Variants in B3GLCT observed in about 807,000 individuals in gnomAD.
B3GLCT encodes the protein beta 3-glucosyltransferase.
In B3GLCT, 65 loss-of-function variants were observed where a neutral mutation model predicts 63.4. The observed-to-expected ratio is 1.03, with a 90% CI of 0.84 to 1.26. The LOEUF is 1.26. Among genes scored for constraint, B3GLCT ranks in the 50% most tolerant of loss-of-function variants. The pLI is 0.00. For synonymous variants in B3GLCT, 233 were observed against 219.2 expected (o/e 1.06, Z -0.55); for missense variants, 577 against 604.8 (o/e 0.95, Z 0.48).
rs780907884 is a variant in B3GLCT, at chr13:31,323,801, G to A, written c.1235G>A (p.Arg412Gln). 2 of 1,614,024 alleles carry A rather than the reference G, an allele frequency of 1.2e-6. No individual in the cohort carries two copies. Among genetic ancestry groups the A allele is most frequent in the African/African-American group, 1.3e-5 (1 of 74,914 alleles). ...AGGAGACTTCTCGCCAGTAAATGTC[G>A]ATGCTACAGCAATGATGCTCCCGAT... ...AVRRLLASKC[R>Q]CYSNDAPDDM... is the part of the protein sequence containing the mutation. The change falls in exon 14 of 15, where the codon CGA becomes CAA. Residue 412 changes from arginine (R) to glutamine (Q), a missense_variant. Coordinates refer to ENST00000343307, the MANE Select transcript of B3GLCT (RefSeq NM_194318.4).
chr13:31,241,527 C>T (rs1355547485), intron 4 of B3GLCT, among the ~76,000 whole-genome samples: 1 of 152,136 alleles, frequency 6.6e-6, no homozygotes, highest in African/African-American at 2.4e-5. Context: ...GTGCCTATTG[C>T]GGAAATGGCA....
In B3GLCT at chr13:31,316,431, A is replaced by ATAT. The variant is rs1555255278; in HGVS notation, c.1065-1135_1065-1134insTAT. On this transcript the variant is annotated intron_variant, in intron 12 of 14. Transcript: ENST00000343307. The stretch of plus-strand genomic sequence containing the variant: ...TTTATATATATATATATATATATAT[A>ATAT]AATTTTTTTTTTTTGAGACGGAGTT... 2.5e-4 allele frequency among the ~76,000 whole-genome samples: 28 copies of ATAT among 110,050 alleles called. 1 individual carries two copies. In the South Asian group the frequency reaches 3.3e-3, roughly 13 times the overall value. The allele number at this position is 110,050 out of a possible 152,430, so 72.2% of individuals were successfully genotyped here.
At position 31,330,985 on chromosome 13, in the gene B3GLCT, G is replaced by C. The variant is rs1875893366; in HGVS notation, c.*1317G>C. On this transcript the variant is annotated 3_prime_UTR_variant, in exon 15 of 15. Transcript: ENST00000343307. The stretch of plus-strand genomic sequence containing the variant: ...AGATTGACTATTTGCAATAGTATTA[G>C]TATTTACCATTTTTCCAAATTAGCA... 6.6e-6 allele frequency: 1 copy of C among 152,140 alleles called. No individual in the cohort carries two copies. The highest frequency in any genetic ancestry group is 2.1e-4 in the South Asian group (1 of 4,826). 9.4% of individuals were successfully genotyped at this position (152,140 alleles called of 1,614,324 possible).
In B3GLCT at chr13:31,246,143, C is replaced by A. The variant is rs569262153; in HGVS notation, c.271-880C>A. On this transcript the variant is annotated intron_variant, in intron 4 of 14. Coordinates refer to ENST00000343307, the MANE Select transcript of B3GLCT (RefSeq NM_194318.4). The stretch of plus-strand genomic sequence containing the variant: ...ATACTTAGGTACTTGTTCTTGAATT[C>A]TTTTGTCTGTAATGGTTACTAGGAA... Among the ~76,000 whole-genome samples the A allele has an allele frequency of 6.5e-4, 99 of 152,166 alleles. 3 individuals carry two copies. The South Asian group carries it at 0.012, about 18-fold the overall frequency.
At chr13:31,244,741 A>G (rs1280375919) in intron 4 of B3GLCT, among the ~76,000 whole-genome samples, 1 of 152,152 alleles carries the variant, frequency 6.6e-6, no homozygotes, top group African/African-American at 2.4e-5. Context: ...GCATTCATAT[A>G]TATATATGTG....
intron 14 of B3GLCT, among the ~76,000 whole-genome samples, chr13:31,327,250 A>G (rs558501976): frequency 6.6e-6 from 1 of 152,288 alleles, no homozygotes; most frequent in East Asian, 1.9e-4. Context: ...CAGCATCACT[A>G]CTCTTGCTTC....
chr13:31,321,637 A>T (rs1875334498), intron 13 of B3GLCT, among the ~76,000 whole-genome samples: 1 of 152,000 alleles, frequency 6.6e-6, no homozygotes, highest in Admixed American at 6.5e-5. Context: ...TTTGAAAACC[A>T]CTACCTTAAA....
chr13:31,247,476 T>C (rs988996962), intron 5 of B3GLCT, among the ~76,000 whole-genome samples: 1 of 152,316 alleles, frequency 6.6e-6, no homozygotes, highest in Non-Finnish European at 1.5e-5. Context: ...GATTTTACCA[T>C]GTTGGCCAGG....
At chr13:31,286,597 A>T (rs1873343234) in intron 11 of B3GLCT, 123 bp from the exon 12 acceptor site, 1 of 663,092 alleles carries the variant, frequency 1.5e-6, no homozygotes, top group South Asian at 2.0e-5. Flanking sequence ...AAAAATTTTG[A>T]ACTTTTAAGC....
chr13:31,270,524 A>G (rs1872533845), intron 8 of B3GLCT, among the ~76,000 whole-genome samples: 1 of 152,244 alleles, frequency 6.6e-6, no homozygotes, highest in South Asian at 2.1e-4. Flanking sequence ...GAATATATAC[A>G]AAATAATATT....
At chr13:31,256,334 T>A (rs918343834) in intron 6 of B3GLCT, among the ~76,000 whole-genome samples, 1 of 151,922 alleles carries the variant, frequency 6.6e-6, no homozygotes, top group Non-Finnish European at 1.5e-5. Context: ...TTGGTGGGAG[T>A]GTAAATTAGT....
intron 12 of B3GLCT, among the ~76,000 whole-genome samples, chr13:31,317,055 C>T (rs1227159202): frequency 6.6e-6 from 1 of 152,222 alleles, no homozygotes; most frequent in Non-Finnish European, 1.5e-5. Context: ...TCTAGGATAG[C>T]CTCACTGCCC....
chr13:31,225,283 A>G lies in B3GLCT; in HGVS notation c.160+2292A>G, dbSNP rs917291783. Among the ~76,000 whole-genome samples, 5 of 152,310 alleles carry G rather than the reference A, an allele frequency of 3.3e-5. No homozygotes were observed. In the East Asian group the frequency reaches 7.7e-4, roughly 24 times the overall value. On this transcript the variant is annotated intron_variant, in intron 3 of 14. Coordinates refer to ENST00000343307, the MANE Select transcript of B3GLCT (RefSeq NM_194318.4). ...GTGCAACCAAGATGATAAGGAAATC[A>G]TGGAATTGTCTTATTTAGCTCTGTG...
chr13:31,238,460 A>G (rs1010947574), intron 4 of B3GLCT, among the ~76,000 whole-genome samples: 2 of 152,192 alleles, frequency 1.3e-5, no homozygotes, highest in African/African-American at 2.4e-5. Flanking sequence ...GTTCTTTCCA[A>G]TCTATAACTC....
chr13:31,330,159 T>C lies in B3GLCT; in HGVS notation c.*491T>C, dbSNP rs1875843843. 5.7e-6 allele frequency: 1 copy of C among 175,950 alleles called. No homozygotes were observed. Among genetic ancestry groups the C allele is most frequent in the Admixed American group, 5.5e-5 (1 of 18,290 alleles). The allele number at this position is 175,950 out of a possible 1,614,324, so 10.9% of individuals were successfully genotyped here. A position where few individuals can be genotyped will look rare whatever the true frequency, so the allele number is the denominator to read the frequency against. On this transcript the variant is annotated 3_prime_UTR_variant, in exon 15 of 15. Transcript: ENST00000343307. ...AAACCATATTATTGATGATGAAAATTATTTCCTGGGAACTCAGTAGGAATA... is the reference window on the plus strand; with the variant it reads ...AAACCATATTATTGATGATGAAAATCATTTCCTGGGAACTCAGTAGGAATA...
At chr13:31,239,145 AGTGT>A (rs1203953309) in intron 4 of B3GLCT, among the ~76,000 whole-genome samples, 2 of 152,174 alleles carry the variant, frequency 1.3e-5, no homozygotes, top group Admixed American at 6.5e-5. Context: ...GGATGGGTAA[AGTGT>A]GTGTTGGGAG....
chr13:31,230,040 G>A (rs774173076), intron 4 of B3GLCT, among the ~76,000 whole-genome samples: 6 of 152,146 alleles, frequency 3.9e-5, no homozygotes, highest in African/African-American at 1.2e-4. Flanking sequence ...TAATCTTAGC[G>A]CAGTGCTTCC....
intron 6 of B3GLCT, among the ~76,000 whole-genome samples, chr13:31,256,372 A>T (rs1390549119): frequency 6.6e-6 from 1 of 152,216 alleles, no homozygotes; most frequent in Non-Finnish European, 1.5e-5. Context: ...CAGTGTGGCG[A>T]TTCCTCAAGG....
At chr13:31,240,624 G>A (rs1193843193) in intron 4 of B3GLCT, among the ~76,000 whole-genome samples, 6 of 152,020 alleles carry the variant, frequency 3.9e-5, no homozygotes, top group African/African-American at 1.2e-4. Flanking sequence ...TTCACAGGGA[G>A]ACTGTGAGTT....
Sources: gnomAD v4.1 joint callset for allele counts (sites outside exome capture counted in the v4.1 genomes callset) on GRCh38, gnomAD v4.1.1 for gene constraint, MANE v1.5 for transcripts, NCBI Gene and HGNC (gene_info 2026-07-23, HGNC 2026-07-21) for gene names.